Variants in VAPB observed in about 807,000 individuals in gnomAD.
VAPB encodes the protein vesicle-associated membrane protein-associated protein B/C.
In VAPB, 7 loss-of-function variants were observed where a neutral mutation model predicts 25.6. The ratio of observed to expected loss-of-function variants is 0.27; its 90% confidence interval spans 0.16 to 0.51. VAPB has a LOEUF of 0.51. VAPB is among the 20% of genes least tolerant of loss of function. The probability of loss-of-function intolerance (pLI) is 0.97; values close to 1 mark genes in which losing one functional copy is unlikely to be tolerated. For synonymous variants in VAPB, 112 were observed against 109.2 expected (o/e 1.03, Z -0.16); for missense variants, 266 against 301.3 (o/e 0.88, Z 0.87).
intron 2 of VAPB, chr20:58,431,136 G>A (rs1049841090): frequency 6.6e-6 from 1 of 152,228 alleles, no homozygotes; most frequent in Non-Finnish European, 1.5e-5. Flanking sequence ...CTGAAGCCAT[G>A]TCTGTGACTT....
intron 3 of VAPB, 149 bp from the exon 4 acceptor site, chr20:58,438,796 T>A: frequency 3.0e-6 from 2 of 669,888 alleles, no homozygotes; most frequent in Middle Eastern, 4.0e-4. Context: ...GTTACAAATA[T>A]TGAAATCTCA....
chr20:58,416,644 A>T (rs1014267342), intron 1 of VAPB, among the ~76,000 whole-genome samples: 1 of 152,180 alleles, frequency 6.6e-6, no homozygotes, highest in Non-Finnish European at 1.5e-5. Flanking sequence ...TGTTTTCAAA[A>T]TAAGTCTCAT....
chr20:58,448,075 C>T lies in VAPB; in HGVS notation c.*3840C>T, dbSNP rs1451913312. The T allele has an allele frequency of 2.2e-6, 1 of 453,964 alleles. No homozygotes were observed. The highest frequency in any genetic ancestry group is 4.4e-6 in the Non-Finnish European group (1 of 226,756). 28.1% of individuals were successfully genotyped at this position (453,964 alleles called of 1,614,324 possible). A position where few individuals can be genotyped will look rare whatever the true frequency, so the allele number is the denominator to read the frequency against. On this transcript the variant is annotated 3_prime_UTR_variant, in exon 6 of 6. Coordinates refer to ENST00000475243, the MANE Select transcript of VAPB (RefSeq NM_004738.5). ...AACTGAACTATGAAAAGTTACCACT[C>T]TGAGGAGACCTCTCTTAATTAACAC...
intron 1 of VAPB, among the ~76,000 whole-genome samples, chr20:58,398,798 C>G (rs957815224): frequency 2.6e-5 from 4 of 151,310 alleles, no homozygotes; most frequent in Admixed American, 2.6e-4. Flanking sequence ...AGTTATGAAC[C>G]TGACTGAGGG....
At position 58,448,774 on chromosome 20, in the gene VAPB, C is replaced by T. The variant is rs1013606603; in HGVS notation, c.*4539C>T. ...TTTCTGTTGGAAACTGAACACACTA[C>T]AGACAGTGAAAAAAGGTACATATTC... On this transcript the variant is annotated 3_prime_UTR_variant, in exon 6 of 6. Transcript: ENST00000475243. The T allele has an allele frequency of 2.2e-6, 1 of 453,960 alleles. No homozygotes were observed. The highest frequency in any genetic ancestry group is 2.0e-5 in the African/African-American group (1 of 49,994). The allele number at this position is 453,960 out of a possible 1,614,324, so 28.1% of individuals were successfully genotyped here. A position where few individuals can be genotyped will look rare whatever the true frequency, so the allele number is the denominator to read the frequency against.
chr20:58,434,491 A>G, intron 2 of VAPB, 111 bp from the exon 3 acceptor site: 1 of 709,804 alleles, frequency 1.4e-6, no homozygotes, highest in Non-Finnish European at 2.6e-6. Context: ...CCATCCTAAG[A>G]CATAAGAGAA....
chr20:58,439,506 C>G (rs1989116101), intron 4 of VAPB: 1 of 188,686 alleles, frequency 5.3e-6, no homozygotes, highest in Non-Finnish European at 1.1e-5. Context: ...AGCCTCAACA[C>G]TGTTGATATT....
intron 2 of VAPB, among the ~76,000 whole-genome samples, chr20:58,433,006 A>G (rs775422735): frequency 6.6e-6 from 1 of 152,228 alleles, no homozygotes; most frequent in Non-Finnish European, 1.5e-5. Context: ...CTGGGTGACT[A>G]GGGACACCAG....
intron 1 of VAPB, among the ~76,000 whole-genome samples, chr20:58,405,727 C>T (rs1356298762): frequency 2.2e-5 from 3 of 137,896 alleles, no homozygotes; most frequent in South Asian, 4.8e-4. Context: ...TGAGCCATCA[C>T]GCCTGGCCAG....
rs181809164 is a variant in VAPB at position 58,415,726 on chromosome 20, A to G, written c.59-2485A>G. Among the ~76,000 whole-genome samples the G allele has an allele frequency of 1.5e-4, 23 of 152,276 alleles. No individual in the cohort carries two copies. The East Asian group carries it at 4.2e-3, about 28-fold the overall frequency. ...TTGGTATAGTAAAATCCCATTTTTT[A>G]CATAATGCTTTAATGGAAATGGCAG... On this transcript the variant is annotated intron_variant, in intron 1 of 5. Coordinates refer to ENST00000475243, the MANE Select transcript of VAPB (RefSeq NM_004738.5).
intron 1 of VAPB, among the ~76,000 whole-genome samples, chr20:58,408,592 T>A (rs1361077859): frequency 6.6e-6 from 1 of 151,622 alleles, no homozygotes; most frequent in African/African-American, 2.4e-5. Flanking sequence ...TATCTGTTAG[T>A]ATGGTATCTT....
In VAPB at chr20:58,449,084, A is replaced by G. The variant is rs1024382823; in HGVS notation, c.*4849A>G. On this transcript the variant is annotated 3_prime_UTR_variant, in exon 6 of 6. Transcript: ENST00000475243. ...GATATCAGCAAAGAGGGCAAGTAAT[A>G]GAAGCCCCTGATAAGGAGCGTCAGC... The G allele has an allele frequency of 2.2e-6, 1 of 454,130 alleles. No individual in the cohort carries two copies. The highest frequency in any genetic ancestry group is 1.6e-5 in the South Asian group (1 of 64,478). The allele number at this position is 454,130 out of a possible 1,614,324, so 28.1% of individuals were successfully genotyped here. A position where few individuals can be genotyped will look rare whatever the true frequency, so the allele number is the denominator to read the frequency against.
At chr20:58,401,730 C>T (rs1301832500) in intron 1 of VAPB, among the ~76,000 whole-genome samples, 1 of 152,096 alleles carries the variant, frequency 6.6e-6, no homozygotes, top group African/African-American at 2.4e-5. Flanking sequence ...TTACCAGTAC[C>T]CTTCGCTTCT....
At chr20:58,428,990 A>G (rs1988868876) in intron 2 of VAPB, among the ~76,000 whole-genome samples, 1 of 152,072 alleles carries the variant, frequency 6.6e-6, no homozygotes, top group Admixed American at 6.6e-5. Flanking sequence ...GTGATGAAAA[A>G]CACCCCCATT....
chr20:58,418,507 A>T, intron 2 of VAPB, 144 bp downstream of exon 2: 1 of 887,118 alleles, frequency 1.1e-6, no homozygotes, highest in Non-Finnish European at 1.5e-6. Flanking sequence ...ACCCCACCCC[A>T]CAACCCTCCA....
In VAPB at chr20:58,408,890, A is replaced by ACC. The variant is rs60297703; in HGVS notation, c.59-9310_59-9309dup. On this transcript the variant is annotated intron_variant, in intron 1 of 5. Transcript: ENST00000475243. The stretch of plus-strand genomic sequence containing the variant: ...GGATCTGGTGATGAATAGGACAGAC[A>ACC]CCCCCCCCCCCCACCCCGCCCCCCA... Among the ~76,000 whole-genome samples, 32 of 91,946 alleles carry ACC rather than the reference A, an allele frequency of 3.5e-4. 1 individual carries two copies. Among genetic ancestry groups the ACC allele is most frequent in the East Asian group, 2.0e-3 (6 of 2,946 alleles). The allele number at this position is 91,946 out of a possible 152,430, so 60.3% of individuals were successfully genotyped here.
At chr20:58,428,010 G>A (rs1226537447) in intron 2 of VAPB, among the ~76,000 whole-genome samples, 1 of 152,062 alleles carries the variant, frequency 6.6e-6, no homozygotes, top group African/African-American at 2.4e-5. Context: ...AGTGATCTGT[G>A]ATCTGTTACC....
chr20:58,404,109 C>CTAT (rs1239107017), intron 1 of VAPB, among the ~76,000 whole-genome samples: 1 of 152,158 alleles, frequency 6.6e-6, no homozygotes, highest in Non-Finnish European at 1.5e-5. Flanking sequence ...GCTTCTCTCA[C>CTAT]CCTTTGGACT....
intron 1 of VAPB, among the ~76,000 whole-genome samples, chr20:58,402,572 T>C (rs1988125633): frequency 2.0e-5 from 3 of 151,594 alleles, no homozygotes; most frequent in South Asian, 4.2e-4. Context: ...CTTTTTTTTT[T>C]TTTTTTTTTA....
Sources: allele counts gnomAD v4.1 joint callset (sites outside exome capture counted in the v4.1 genomes callset), GRCh38; gene constraint gnomAD v4.1.1; transcripts MANE v1.5; gene names NCBI Gene and HGNC (gene_info 2026-07-23, HGNC 2026-07-21).